CDK14: variants seen among roughly 807,000 people sequenced by gnomAD.
CDK14 encodes the protein cyclin dependent kinase 14.
CDK14 carries 34 observed loss-of-function variants against 60.7 expected under a neutral mutation model. The ratio of observed to expected loss-of-function variants is 0.56; its 90% CI spans 0.43 to 0.75. The LOEUF (loss-of-function observed/expected upper bound fraction) is 0.75. CDK14 is among the 30% of genes least tolerant of loss of function. CDK14 has a pLI of 0.00. For synonymous variants in CDK14, 197 were observed against 203.7 expected (o/e 0.97, Z 0.28); for missense variants, 482 against 564.1 (o/e 0.85, Z 1.47).
chr7:91,084,020 C>T (rs2116239557), intron 12 of CDK14, among the ~76,000 whole-genome samples: 1 of 152,342 alleles, frequency 6.6e-6, no homozygotes, highest in South Asian at 2.1e-4. Flanking sequence ...TACATTGTCA[C>T]ATCCCCACAT....
intron 10 of CDK14, among the ~76,000 whole-genome samples, chr7:91,025,226 C>T (rs1796538603): frequency 6.6e-6 from 1 of 152,038 alleles, no homozygotes; most frequent in Non-Finnish European, 1.5e-5. Flanking sequence ...AACTGGATTG[C>T]TTTGCACTAT....
intron 10 of CDK14, among the ~76,000 whole-genome samples, chr7:91,003,157 A>G (rs1490977184): frequency 6.6e-6 from 1 of 152,028 alleles, no homozygotes; most frequent in Non-Finnish European, 1.5e-5. Flanking sequence ...TTCCTCTCCA[A>G]TTTTTCCTAT....
intron 10 of CDK14, among the ~76,000 whole-genome samples, chr7:91,025,360 G>A (rs1796541661): frequency 6.6e-6 from 1 of 152,068 alleles, no homozygotes; most frequent in African/African-American, 2.4e-5. Flanking sequence ...CCAAAGAAGT[G>A]TACATATTAA....
intron 6 of CDK14, among the ~76,000 whole-genome samples, chr7:90,887,659 T>A (rs543167430): frequency 6.6e-5 from 10 of 152,326 alleles, no homozygotes; most frequent in African/African-American, 2.2e-4. Context: ...TTCATGACCA[T>A]GTTTAAGAGT....
At chr7:90,998,289 A>C (rs1795742103) in intron 10 of CDK14, among the ~76,000 whole-genome samples, 1 of 152,208 alleles carries the variant, frequency 6.6e-6, no homozygotes, top group South Asian at 2.1e-4. Context: ...CCTTCCACTT[A>C]ATTTTGTTGT....
rs956429648 is a variant in CDK14 at position 90,985,289 on chromosome 7, G to A, written c.1041+1048G>A. ...TTTAGCCATGGGACTTTAAGCAAGG[G>A]GCTTATTAGTTCTCTGAGCTTTAGT... On this transcript the variant is annotated intron_variant, in intron 10 of 14. Coordinates refer to ENST00000380050, the MANE Select transcript of CDK14 (RefSeq NM_001287135.2). Among the ~76,000 whole-genome samples, 7 of 152,078 alleles carry A rather than the reference G, an allele frequency of 4.6e-5. No homozygotes were observed. In the East Asian group the frequency reaches 7.7e-4, roughly 17 times the overall value.
At chr7:90,859,598 G>C (rs1452794246) in intron 5 of CDK14, among the ~76,000 whole-genome samples, 1 of 151,988 alleles carries the variant, frequency 6.6e-6, no homozygotes, top group African/African-American at 2.4e-5. Context: ...TAGGTTCATA[G>C]CAAAGTTCAT....
chr7:90,779,950 A>G (rs1174256609), intron 4 of CDK14, among the ~76,000 whole-genome samples: 2 of 152,202 alleles, frequency 1.3e-5, no homozygotes, highest in Non-Finnish European at 2.9e-5. Context: ...GGTTACCCCT[A>G]CCATGCCTTT....
At chr7:90,638,392 G>C (rs1466196098) in intron 2 of CDK14, among the ~76,000 whole-genome samples, 12 of 152,060 alleles carry the variant, frequency 7.9e-5, no homozygotes, top group Non-Finnish European at 1.2e-4. Flanking sequence ...ACTTATGAAG[G>C]TTAGTTTGGC....
At chr7:90,669,476 G>A (rs1584782472) in intron 2 of CDK14, among the ~76,000 whole-genome samples, 1 of 152,172 alleles carries the variant, frequency 6.6e-6, no homozygotes, top group Admixed American at 6.5e-5. Flanking sequence ...GACCCAAAAA[G>A]GGTCATGAGA....
At chr7:90,774,698 C>T (rs1181207719) in intron 4 of CDK14, among the ~76,000 whole-genome samples, 1 of 152,142 alleles carries the variant, frequency 6.6e-6, no homozygotes, top group African/African-American at 2.4e-5. Flanking sequence ...CTCCAAGGGC[C>T]TTTGCAGGCA....
chr7:90,853,566 C>G (rs890043011), intron 5 of CDK14, among the ~76,000 whole-genome samples: 1 of 152,092 alleles, frequency 6.6e-6, no homozygotes, highest in Non-Finnish European at 1.5e-5. Context: ...CATGCTACCC[C>G]TCTCCCTCTG....
intron 14 of CDK14, among the ~76,000 whole-genome samples, chr7:91,145,817 G>C (rs553241330): frequency 1.3e-5 from 2 of 152,158 alleles, no homozygotes; most frequent in Non-Finnish European, 2.9e-5. Context: ...TTTGTCACTA[G>C]ATGCTTTCCC....
At chr7:90,819,213 C>G (rs1172171958) in intron 5 of CDK14, among the ~76,000 whole-genome samples, 1 of 152,080 alleles carries the variant, frequency 6.6e-6, no homozygotes, top group African/African-American at 2.4e-5. Flanking sequence ...AGATGACAGT[C>G]AAGAACTGAG....
chr7:90,605,528 A>C (rs999443370), intron 2 of CDK14, among the ~76,000 whole-genome samples: 1 of 152,134 alleles, frequency 6.6e-6, no homozygotes, highest in Admixed American at 6.5e-5. Context: ...TGTTATTGAG[A>C]TATTTTTCAG....
At chr7:91,020,654 T>C (rs1411837827) in intron 10 of CDK14, among the ~76,000 whole-genome samples, 1 of 152,216 alleles carries the variant, frequency 6.6e-6, no homozygotes, top group Non-Finnish European at 1.5e-5. Context: ...GCCTGACCAC[T>C]GGGATTTGAA....
intron 12 of CDK14, among the ~76,000 whole-genome samples, chr7:91,081,316 T>G (rs1394837050): frequency 3.3e-5 from 5 of 152,178 alleles, no homozygotes; most frequent in African/African-American, 1.2e-4. Flanking sequence ...AAGAACTACA[T>G]TAAAAGACTA....
At chr7:91,005,905 G>A (rs369225988) in intron 10 of CDK14, among the ~76,000 whole-genome samples, 1 of 152,160 alleles carries the variant, frequency 6.6e-6, no homozygotes, top group Non-Finnish European at 1.5e-5. Flanking sequence ...TTTCTTTTGG[G>A]GTCCACATGG....
intron 14 of CDK14, among the ~76,000 whole-genome samples, chr7:91,157,977 A>G (rs1801034056): frequency 6.6e-6 from 1 of 151,596 alleles, no homozygotes; most frequent in South Asian, 2.1e-4. Context: ...ATGCCACTGT[A>G]TTTCTCAAAG....
Sources: allele counts gnomAD v4.1 joint callset (sites outside exome capture counted in the v4.1 genomes callset), GRCh38; gene constraint gnomAD v4.1.1; transcripts MANE v1.5; gene names NCBI Gene and HGNC (gene_info 2026-07-23, HGNC 2026-07-21).